The following COL4A2 variants were observed in gnomAD, a reference collection of about 807,000 sequenced individuals.
The protein encoded by COL4A2 is collagen type IV alpha 2 chain.
In COL4A2, 99 loss-of-function variants were observed where a neutral mutation model predicts 200.2. The ratio of observed to expected loss-of-function variants is 0.49; its 90% CI spans 0.42 to 0.58. The LOEUF (loss-of-function observed/expected upper bound fraction) is 0.58, where lower values mean the gene tolerates loss of function less well. Ranked by LOEUF, COL4A2 falls within the 20% of genes least tolerant of loss-of-function variation. COL4A2 has a pLI of 0.00. For missense variants in COL4A2, 1,950 were observed against 2,314.1 expected (o/e 0.84, Z 3.23); for synonymous variants, 897 against 900.6 (o/e 1.00, Z 0.07).
At chr13:110,348,025 C>T (rs576773534) in intron 3 of COL4A2, among the ~76,000 whole-genome samples, 139 of 152,324 alleles carry the variant, frequency 9.1e-4, no homozygotes, top group Non-Finnish European at 1.6e-3. Flanking sequence ...ACAGGAAGGA[C>T]GTCTGTCTTC....
chr13:110,421,462 A>C (rs1400444535), intron 4 of COL4A2, among the ~76,000 whole-genome samples: 1 of 152,262 alleles, frequency 6.6e-6, no homozygotes, highest in African/African-American at 2.4e-5. Context: ...GATCACTAAA[A>C]GAAGCCAGAC....
chr13:110,307,635 G>C lies in COL4A2; in HGVS notation c.-45+107G>C. ...GCTCTCCTGCTTGGGAGTAGAAAGGGGGAGGGTGGGAGAGCGAAGACCGAG... is the reference window on the plus strand; with the variant it reads ...GCTCTCCTGCTTGGGAGTAGAAAGGCGGAGGGTGGGAGAGCGAAGACCGAG... On this transcript the variant is annotated intron_variant, in intron 1 of 47. Coordinates refer to ENST00000360467, the MANE Select transcript of COL4A2 (RefSeq NM_001846.4). The surrounding 1 kb of genome is among the most constrained non-coding windows in gnomAD (Gnocchi z 5.0). 1 of 554,736 alleles carries C rather than the reference G, an allele frequency of 1.8e-6. No homozygotes were observed. The highest frequency in any genetic ancestry group is 3.2e-6 in the Non-Finnish European group (1 of 315,244). 34.4% of individuals were successfully genotyped at this position (554,736 alleles called of 1,614,324 possible). A position where few individuals can be genotyped will look rare whatever the true frequency, so the allele number is the denominator to read the frequency against.
intron 45 of COL4A2, among the ~76,000 whole-genome samples, chr13:110,505,263 T>G (rs1188584003): frequency 1.3e-5 from 2 of 151,640 alleles, no homozygotes; most frequent in Non-Finnish European, 2.9e-5. Flanking sequence ...GGCAGGAGAA[T>G]GGCCTCAACC....
intron 16 of COL4A2, 42 bp downstream of exon 16, chr13:110,439,875 A>G (rs1881056577): frequency 1.2e-6 from 2 of 1,606,316 alleles, no homozygotes; most frequent in South Asian, 2.2e-5. Flanking sequence ...TGGGCCCACG[A>G]CATCCCACAG....
intron 33 of COL4A2, among the ~76,000 whole-genome samples, chr13:110,485,346 A>ACC (rs1166132531): frequency 6.6e-6 from 1 of 151,828 alleles, no homozygotes; most frequent in South Asian, 2.1e-4. Flanking sequence ...ACACGGTGAA[A>ACC]CCCCGTCTCT....
chr13:110,499,734 G>A (rs1042540655), intron 40 of COL4A2, among the ~76,000 whole-genome samples: 3 of 152,186 alleles, frequency 2.0e-5, no homozygotes, highest in African/African-American at 4.8e-5. Flanking sequence ...AAATCATAGC[G>A]GTTTCCGTCT....
intron 4 of COL4A2, among the ~76,000 whole-genome samples, chr13:110,400,876 C>T (rs1430540855): frequency 2.0e-5 from 3 of 151,952 alleles, no homozygotes; most frequent in African/African-American, 7.2e-5. Context: ...CAGAGAGATA[C>T]TTAAGAAAAA....
At chr13:110,443,000 G>A (rs1449717400) in intron 16 of COL4A2, among the ~76,000 whole-genome samples, 2 of 152,174 alleles carry the variant, frequency 1.3e-5, no homozygotes, top group Non-Finnish European at 2.9e-5. Context: ...AGGACTTCAG[G>A]GATGTTGCAT....
At position 110,508,954 on chromosome 13, in the gene COL4A2, GAAGATACTAT is replaced by G. The variant is rs1352954968; in HGVS notation, c.4881+737_4881+746del. Among the ~76,000 whole-genome samples, 1 of 152,154 alleles carries G rather than the reference GAAGATACTAT, an allele frequency of 6.6e-6. No individual in the cohort carries two copies. The highest frequency in any genetic ancestry group is 1.5e-5 in the Non-Finnish European group (1 of 68,044). On this transcript the variant is annotated intron_variant, in intron 47 of 47. Coordinates refer to ENST00000360467, the MANE Select transcript of COL4A2 (RefSeq NM_001846.4). This position sits in a 1 kb window ranked among gnomAD's most constrained non-coding sequence, Gnocchi z 6.1. ...CGTCCCGATAAATTCATTGTAAGATGAAGATACTATAAGTTGAAAGTGCGTTTTCAATTTA... is the reference window on the plus strand; with the variant it reads ...CGTCCCGATAAATTCATTGTAAGATGAAGTTGAAAGTGCGTTTTCAATTTA...
In COL4A2 at chr13:110,493,230, G is replaced by A. The variant is rs1883348327; in HGVS notation, c.3582G>A (p.Gly1194=). 1 of 1,614,192 alleles carries A rather than the reference G, an allele frequency of 6.2e-7. No individual in the cohort carries two copies. The highest frequency in any genetic ancestry group is 8.5e-7 in the Non-Finnish European group (1 of 1,180,032). ...CCGCAGGTTTTCCGGGACTCCGTGGGATCCGCGGCTTACACGGCTTGCCAG... is the reference window on the plus strand; with the variant it reads ...CCGCAGGTTTTCCGGGACTCCGTGGAATCCGCGGCTTACACGGCTTGCCAG... ...PGLPGFPGLR[G]IRGLHGLPGT... is the part of the protein sequence containing the mutation. Residue 1194 remains glycine (G), a synonymous_variant, in exon 39 of 48, where the codon GGG becomes GGA. Coordinates refer to ENST00000360467, the MANE Select transcript of COL4A2 (RefSeq NM_001846.4).
intron 13 of COL4A2, among the ~76,000 whole-genome samples, chr13:110,437,599 A>G (rs999676996): frequency 1.3e-5 from 2 of 152,176 alleles, no homozygotes; most frequent in African/African-American, 2.4e-5. Flanking sequence ...AATATGTTCC[A>G]TGTGTATCTT....
intron 24 of COL4A2, among the ~76,000 whole-genome samples, chr13:110,464,948 G>A (rs1343455226): frequency 1.3e-5 from 2 of 152,038 alleles, no homozygotes; most frequent in Admixed American, 6.5e-5. Flanking sequence ...CTTCTGAGGC[G>A]CACACGGCTC....
chr13:110,454,738 A>G (rs1287241436), intron 20 of COL4A2, among the ~76,000 whole-genome samples: 1 of 151,830 alleles, frequency 6.6e-6, no homozygotes, highest in Non-Finnish European at 1.5e-5. Context: ...CGTCCTCCAC[A>G]TGAAAGTACA....
In COL4A2 at chr13:110,501,728, C is replaced by T. The variant is rs1330647482; in HGVS notation, c.3821C>T (p.Ser1274Phe). 1 of 1,613,834 alleles carries T rather than the reference C, an allele frequency of 6.2e-7. No individual in the cohort carries two copies. The change falls in exon 41 of 48, where the codon TCC (serine) becomes TTC (phenylalanine). Residue 1274 changes from serine to phenylalanine, a missense_variant. Transcript: ENST00000360467. ...LQGFPGITPP[S>F]NISGAPGDKG... is the part of the protein sequence containing the mutation. ...GGGTTCCCTGGTATCACACCCCCTT[C>T]CAACATCTCTGGGGCACCTGGTGAC...
At chr13:110,484,828 A>G (rs1883056763) in intron 32 of COL4A2, 77 bp from the exon 33 acceptor site, 16 of 1,481,556 alleles carry the variant, frequency 1.1e-5, no homozygotes, top group Middle Eastern at 2.0e-4. Flanking sequence ...CCTATGGCTC[A>G]GGGACCAGGC....
intron 17 of COL4A2, 116 bp downstream of exon 17, chr13:110,445,998 C>A: frequency 9.4e-6 from 10 of 1,058,848 alleles, no homozygotes; most frequent in Non-Finnish European, 1.5e-5. Flanking sequence ...AGTACAAGAT[C>A]CCCAAATACA....
chr13:110,419,971 C>T (rs1187127374), intron 4 of COL4A2, among the ~76,000 whole-genome samples: 1 of 152,206 alleles, frequency 6.6e-6, no homozygotes, highest in East Asian at 1.9e-4. Context: ...TATCTCTTCC[C>T]TCAGGAATGC....
Position 110,387,043 on chromosome 13 carries a change from G to T in COL4A2, c.180+29491G>T, listed in dbSNP as rs189252752. 6.6e-3 allele frequency among the ~76,000 whole-genome samples: 999 copies of T among 152,260 alleles called. 2 individuals carry two copies. The highest frequency in any genetic ancestry group is 0.011 in the Non-Finnish European group (721 of 68,020). Reference sequence around the variant, plus strand: ...TTACGAGGTCAGGAGTTCAAGACCAGCCTGGCCAACATGGTGAAACCCCGT... The same window carrying T: ...TTACGAGGTCAGGAGTTCAAGACCATCCTGGCCAACATGGTGAAACCCCGT... On this transcript the variant is annotated intron_variant, in intron 4 of 47. Transcript: ENST00000360467.
intron 22 of COL4A2, 150 bp downstream of exon 22, chr13:110,459,084 A>AGATC: frequency 2.7e-6 from 2 of 753,476 alleles, no homozygotes; most frequent in Admixed American, 3.6e-5. Context: ...AAAAACCCAC[A>AGATC]TACCCCAAGG....
Sources: gnomAD v4.1 joint callset for allele counts (sites outside exome capture counted in the v4.1 genomes callset) on GRCh38, gnomAD v4.1.1 for gene constraint, Gnocchi (gnomAD v3.1) non-coding constraint, MANE v1.5 for transcripts, NCBI Gene and HGNC (gene_info 2026-07-23, HGNC 2026-07-21) for gene names.